Variants in MACROD2 observed in about 807,000 individuals in gnomAD.
MACROD2 encodes the protein ADP-ribose glycohydrolase MACROD2.
Under a neutral mutation model 70.4 loss-of-function variants are expected in MACROD2, and 36 were observed. The observed-to-expected ratio is 0.51, with a 90% CI of 0.39 to 0.68. The LOEUF is 0.68. Among genes scored for constraint, MACROD2 ranks in the 30% least tolerant of loss-of-function variants. The pLI, the probability that MACROD2 is intolerant of heterozygous loss-of-function variation, is 0.00. For missense variants in MACROD2, 496 were observed against 538.4 expected, an observed-to-expected ratio of 0.92 and a Z score of 0.78; for synonymous variants, 172 against 178.8, an observed-to-expected ratio of 0.96 and a Z score of 0.30.
At chr20:15,746,361 T>C (rs1022632242) in intron 8 of MACROD2, among the ~76,000 whole-genome samples, 2 of 151,982 alleles carry the variant, frequency 1.3e-5, no homozygotes, top group Non-Finnish European at 2.9e-5. Context: ...ATGCATAGCC[T>C]TGGTAAACTT....
intron 4 of MACROD2, among the ~76,000 whole-genome samples, chr20:14,571,787 G>C (rs1049217325): frequency 6.6e-6 from 1 of 152,044 alleles, no homozygotes; most frequent in Non-Finnish European, 1.5e-5. Context: ...ACTAGTCCTT[G>C]CAAGTTGGAG....
At chr20:14,639,060 A>G (rs1414929028) in intron 4 of MACROD2, among the ~76,000 whole-genome samples, 1 of 152,140 alleles carries the variant, frequency 6.6e-6, no homozygotes, top group Non-Finnish European at 1.5e-5. Flanking sequence ...TACCTAATTT[A>G]TATCCAGCCT....
At chr20:15,138,543 C>T (rs1248429670) in intron 5 of MACROD2, among the ~76,000 whole-genome samples, 2 of 152,088 alleles carry the variant, frequency 1.3e-5, no homozygotes, top group East Asian at 3.9e-4. Flanking sequence ...CTTATTTGCT[C>T]AGCTAGATTG....
intron 3 of MACROD2, among the ~76,000 whole-genome samples, chr20:14,172,872 G>A (rs1601310640): frequency 1.3e-5 from 2 of 152,098 alleles, no homozygotes; most frequent in South Asian, 4.1e-4. Flanking sequence ...TTGTTTGTGT[G>A]AAAAAGACTA....
chr20:15,985,352 G>C (rs1170604336), intron 13 of MACROD2, among the ~76,000 whole-genome samples: 2 of 152,118 alleles, frequency 1.3e-5, no homozygotes, highest in Non-Finnish European at 1.5e-5. Flanking sequence ...AGTTCCAAAA[G>C]ATTCAAGACA....
intron 8 of MACROD2, among the ~76,000 whole-genome samples, chr20:15,758,381 G>C (rs141087841): frequency 2.8e-4 from 42 of 151,438 alleles, no homozygotes; most frequent in African/African-American, 8.2e-4. Flanking sequence ...TGGGATTACA[G>C]GTGCCCACCA....
intron 4 of MACROD2, among the ~76,000 whole-genome samples, chr20:14,562,042 G>C (rs1362893010): frequency 5.3e-5 from 8 of 151,794 alleles, no homozygotes; most frequent in Admixed American, 3.3e-4. Context: ...TTCAACAGGA[G>C]ACATGTTACT....
chr20:14,155,592 G>T (rs766803593), intron 3 of MACROD2, among the ~76,000 whole-genome samples: 2 of 151,998 alleles, frequency 1.3e-5, no homozygotes, highest in Non-Finnish European at 2.9e-5. Context: ...CTTTAGTCTG[G>T]CTTTATTTAA....
chr20:16,012,128 C>T (rs1421025213), intron 15 of MACROD2, among the ~76,000 whole-genome samples: 1 of 152,200 alleles, frequency 6.6e-6, no homozygotes, highest in Non-Finnish European at 1.5e-5. Context: ...CTATTGGCAG[C>T]TGGGGAGGGG....
At position 15,376,140 on chromosome 20, in the gene MACROD2, C is replaced by T. The variant is rs141700173; in HGVS notation, c.541-55265C>T. On this transcript the variant is annotated intron_variant, in intron 6 of 17. Transcript: ENST00000684519. ...TAAGAGACAGGCAATATTGTTAATA[C>T]TTGTTATTAATACTTGCTTCAGTAT... 1.4e-3 allele frequency among the ~76,000 whole-genome samples: 218 copies of T among 152,228 alleles called. 2 individuals carry two copies. Among genetic ancestry groups the T allele is most frequent in the African/African-American group, 5.0e-3 (207 of 41,538 alleles).
intron 5 of MACROD2, among the ~76,000 whole-genome samples, chr20:15,041,093 GTA>G (rs1222200451): frequency 6.6e-6 from 1 of 152,124 alleles, no homozygotes; most frequent in African/African-American, 2.4e-5. Flanking sequence ...AATTTGAGCT[GTA>G]TTTACTCACT....
intron 8 of MACROD2, among the ~76,000 whole-genome samples, chr20:15,840,997 A>G (rs1313477685): frequency 6.6e-6 from 1 of 152,232 alleles, no homozygotes; most frequent in Non-Finnish European, 1.5e-5. Context: ...GTTTTACCAC[A>G]TAGCAAAACC....
chr20:15,999,428 C>T (rs1023386727), intron 15 of MACROD2, among the ~76,000 whole-genome samples: 3 of 152,108 alleles, frequency 2.0e-5, no homozygotes, highest in Non-Finnish European at 4.4e-5. Context: ...TCTGTGTGCG[C>T]TTGAAAAGAA....
chr20:15,839,114 G>A (rs2147128075), intron 8 of MACROD2, among the ~76,000 whole-genome samples: 1 of 152,264 alleles, frequency 6.6e-6, no homozygotes, highest in South Asian at 2.1e-4. Flanking sequence ...AATCTCAAAT[G>A]TTAGTGAAAG....
chr20:15,352,891 T>TA (rs759726297), intron 6 of MACROD2, among the ~76,000 whole-genome samples: 192 of 151,918 alleles, frequency 1.3e-3, no homozygotes, highest in Non-Finnish European at 2.4e-3. Context: ...TGCTCATGGG[T>TA]AGGAAGAATC....
intron 7 of MACROD2, among the ~76,000 whole-genome samples, chr20:15,463,017 A>G (rs1171590403): frequency 1.3e-5 from 2 of 152,248 alleles, no homozygotes; most frequent in African/African-American, 2.4e-5. Context: ...ACTAATGTAT[A>G]CATTTGTAAA....
chr20:15,496,371 G>C (rs2047298236), intron 7 of MACROD2, among the ~76,000 whole-genome samples: 1 of 152,174 alleles, frequency 6.6e-6, no homozygotes, highest in Admixed American at 6.5e-5. Flanking sequence ...TCACTCTTGT[G>C]GATGTTGAAA....
intron 3 of MACROD2, among the ~76,000 whole-genome samples, chr20:14,492,496 A>G (rs544932927): frequency 1.3e-5 from 2 of 152,322 alleles, no homozygotes; most frequent in African/African-American, 4.8e-5. Context: ...ATCATTAACA[A>G]TGATATTTGC....
chr20:15,362,130 G>A, intron 6 of MACROD2, among the ~76,000 whole-genome samples: 1 of 151,620 alleles, frequency 6.6e-6, no homozygotes, highest in East Asian at 1.9e-4. Context: ...TTATGCCTCA[G>A]CCTTCCGAGT....
Sources: gnomAD v4.1 joint callset for allele counts (sites outside exome capture counted in the v4.1 genomes callset) on GRCh38, gnomAD v4.1.1 for gene constraint, MANE v1.5 for transcripts, NCBI Gene and HGNC (gene_info 2026-07-23, HGNC 2026-07-21) for gene names.